NDST3: variants seen among roughly 807,000 people sequenced by gnomAD.
NDST3 encodes bifunctional heparan sulfate N-deacetylase/N-sulfotransferase 3.
In NDST3, 58 loss-of-function variants were observed where a neutral mutation model predicts 96.1. The observed-to-expected ratio is 0.60, with a 90% CI of 0.49 to 0.75. The LOEUF (loss-of-function observed/expected upper bound fraction) is 0.75. NDST3 is among the 30% of genes least tolerant of loss of function. The pLI, the probability that NDST3 is intolerant of heterozygous loss-of-function variation, is 0.00. For synonymous variants in NDST3, 333 were observed against 359.7 expected, an observed-to-expected ratio of 0.93 and a Z score of 0.84; for missense variants, 788 against 1,034.2, an observed-to-expected ratio of 0.76 and a Z score of 3.27.
chr4:118,137,395 C>T (rs1733196796), intron 4 of NDST3, among the ~76,000 whole-genome samples: 1 of 151,326 alleles, frequency 6.6e-6, no homozygotes, highest in African/African-American at 2.4e-5. Flanking sequence ...AGCTTGACTT[C>T]AAATCAACTA....
chr4:118,168,463 T>C (rs1735704387), intron 6 of NDST3, among the ~76,000 whole-genome samples: 1 of 149,364 alleles, frequency 6.7e-6, no homozygotes, highest in Admixed American at 6.7e-5. Flanking sequence ...ACTAATCTCA[T>C]ATATATACAC....
At chr4:118,229,442 A>G (rs1740127500) in intron 8 of NDST3, among the ~76,000 whole-genome samples, 1 of 152,260 alleles carries the variant, frequency 6.6e-6, no homozygotes, top group South Asian at 2.1e-4. Flanking sequence ...ATGATTATGT[A>G]GTTGAGTTAC....
At chr4:118,218,612 A>AAGT (rs1739343316) in intron 6 of NDST3, among the ~76,000 whole-genome samples, 1 of 152,046 alleles carries the variant, frequency 6.6e-6, no homozygotes, top group Non-Finnish European at 1.5e-5. Context: ...AGCTAGAAGC[A>AAGT]TTTCCTTGAA....
At chr4:118,093,397 T>A (rs1027723428) in intron 2 of NDST3, among the ~76,000 whole-genome samples, 4 of 151,862 alleles carry the variant, frequency 2.6e-5, no homozygotes, top group African/African-American at 9.7e-5. Context: ...TATATGGAAT[T>A]AATTAGTTGA....
chr4:118,133,630 A>G lies in NDST3; in HGVS notation c.1225-4424A>G, dbSNP rs192207449. On this transcript the variant is annotated intron_variant, in intron 4 of 13. Coordinates refer to ENST00000296499, the MANE Select transcript of NDST3 (RefSeq NM_004784.3). ...CCTTCCTGCAGGGGGTACAAATGGT[A>G]TAGGGTTCTATTCTGCCATTTTGCT... Among the ~76,000 whole-genome samples the G allele has an allele frequency of 1.1e-3, 160 of 152,304 alleles. 1 individual carries two copies. Among genetic ancestry groups the G allele is most frequent in the African/African-American group, 3.7e-3 (155 of 41,566 alleles).
At chr4:118,076,601 C>A (rs1248714529) in intron 2 of NDST3, among the ~76,000 whole-genome samples, 1 of 152,124 alleles carries the variant, frequency 6.6e-6, no homozygotes, top group Non-Finnish European at 1.5e-5. Context: ...ATACTTTCAA[C>A]TATATTATGA....
intron 6 of NDST3, among the ~76,000 whole-genome samples, chr4:118,203,449 T>A (rs543351692): frequency 7.2e-5 from 11 of 152,310 alleles, no homozygotes; most frequent in Non-Finnish European, 1.5e-4. Context: ...AGGGCTTTTT[T>A]TGGTTAGTAG....
chr4:118,149,539 T>C (rs374229244), intron 6 of NDST3, among the ~76,000 whole-genome samples: 1 of 145,270 alleles, frequency 6.9e-6, no homozygotes, highest in African/African-American at 2.4e-5. Context: ...AGTTCACTCA[T>C]GATTTGGCTC....
chr4:118,057,895 G>A (rs758069446), intron 2 of NDST3, among the ~76,000 whole-genome samples: 18 of 152,028 alleles, frequency 1.2e-4, no homozygotes, highest in Admixed American at 2.0e-4. Context: ...AAGACCAACC[G>A]TCCTGGTTTG....
chr4:118,117,919 G>A (rs1008390206), intron 4 of NDST3, among the ~76,000 whole-genome samples: 12 of 152,124 alleles, frequency 7.9e-5, no homozygotes, highest in South Asian at 2.1e-4. Flanking sequence ...GAGAACTTGA[G>A]GTGGAACTCA....
At chr4:118,073,155 T>G (rs1486747556) in intron 2 of NDST3, among the ~76,000 whole-genome samples, 2 of 152,100 alleles carry the variant, frequency 1.3e-5, no homozygotes, top group Non-Finnish European at 2.9e-5. Context: ...TTTTTGCTTC[T>G]GTGTTCATCC....
intron 9 of NDST3, 45 bp downstream of exon 9, chr4:118,233,180 C>T: frequency 6.6e-7 from 1 of 1,520,316 alleles, no homozygotes; most frequent in Non-Finnish European, 9.0e-7. Flanking sequence ...ATGTACTGTG[C>T]ACAGTATAAA....
At chr4:118,063,480 G>A (rs2892786) in intron 2 of NDST3, among the ~76,000 whole-genome samples, 1 of 152,032 alleles carries the variant, frequency 6.6e-6, no homozygotes, top group African/African-American at 2.4e-5. Context: ...AAAATTGTAC[G>A]ATTTGCCAGT....
intron 10 of NDST3, among the ~76,000 whole-genome samples, chr4:118,239,320 T>C (rs17594257): frequency 0.061 from 9,278 of 152,258 alleles, 384 homozygotes; most frequent in Non-Finnish European, 0.092. Context: ...GGCAGGAACA[T>C]AGTAGGGAAA....
chr4:118,044,280 C>T (rs894616946), intron 1 of NDST3, among the ~76,000 whole-genome samples: 9 of 152,072 alleles, frequency 5.9e-5, no homozygotes, highest in East Asian at 1.9e-4. Flanking sequence ...GTCATAAGAA[C>T]GTACATAACT....
chr4:118,241,968 G>T, intron 11 of NDST3, 72 bp from the exon 12 acceptor site: 2 of 1,077,442 alleles, frequency 1.9e-6, no homozygotes, highest in Non-Finnish European at 2.8e-6. Context: ...AATGAGTTTA[G>T]AATGCAGAAA....
chr4:118,112,028 T>C (rs528933978), intron 3 of NDST3, among the ~76,000 whole-genome samples: 24 of 152,240 alleles, frequency 1.6e-4, no homozygotes, highest in Non-Finnish European at 3.2e-4. Flanking sequence ...GTAATTCTAA[T>C]GTAAAACATT....
chr4:118,062,945 C>T (rs1162507531), intron 2 of NDST3, among the ~76,000 whole-genome samples: 1 of 152,054 alleles, frequency 6.6e-6, no homozygotes, highest in African/African-American at 2.4e-5. Flanking sequence ...AATCCCAGCA[C>T]TTTGGGAGGC....
At chr4:118,139,730 T>C (rs961150453) in intron 5 of NDST3, among the ~76,000 whole-genome samples, 9 of 152,196 alleles carry the variant, frequency 5.9e-5, no homozygotes, top group African/African-American at 2.2e-4. Context: ...CTATTGATTG[T>C]GCCATTATCC....
Sources: allele counts gnomAD v4.1 joint callset (sites outside exome capture counted in the v4.1 genomes callset), GRCh38; gene constraint gnomAD v4.1.1; transcripts MANE v1.5; gene names NCBI Gene and HGNC (gene_info 2026-07-23, HGNC 2026-07-21).